The following PTCHD4 variants were observed in gnomAD, a reference collection of about 807,000 sequenced individuals.
PTCHD4 encodes the protein patched domain-containing protein 4.
In PTCHD4, 33 loss-of-function variants were observed where a neutral mutation model predicts 58.1. That is an observed-to-expected ratio of 0.57 (90% CI 0.43 to 0.76). PTCHD4 has a LOEUF of 0.76. Ranked by LOEUF, PTCHD4 falls within the 30% of genes least tolerant of loss-of-function variation. The pLI is 0.00. For missense variants in PTCHD4, 1,058 were observed against 1,027.1 expected, an observed-to-expected ratio of 1.03 and a Z score of -0.41; for synonymous variants, 478 against 409.6, an observed-to-expected ratio of 1.17 and a Z score of -2.02.
At chr6:48,033,409 C>T (rs1269383688) in intron 3 of PTCHD4, among the ~76,000 whole-genome samples, 1 of 151,616 alleles carries the variant, frequency 6.6e-6, no homozygotes, top group East Asian at 1.9e-4. Context: ...TTAAGACCAA[C>T]CATGTGAGCA....
intron 1 of PTCHD4, among the ~76,000 whole-genome samples, chr6:48,092,960 C>T (rs556982900): frequency 4.6e-5 from 7 of 152,210 alleles, no homozygotes; most frequent in African/African-American, 1.4e-4. Context: ...TTTCTGGCTC[C>T]CTCTGTGGAA....
At chr6:48,015,967 C>A (rs1199768820) in intron 3 of PTCHD4, among the ~76,000 whole-genome samples, 1 of 151,732 alleles carries the variant, frequency 6.6e-6, no homozygotes, top group African/African-American at 2.4e-5. Context: ...GATCAAGGTG[C>A]CTGAGAACAG....
chr6:48,110,078 C>T (rs1229290620), intron 1 of PTCHD4, among the ~76,000 whole-genome samples: 1 of 152,076 alleles, frequency 6.6e-6, no homozygotes, highest in African/African-American at 2.4e-5. Flanking sequence ...CACAGAACTA[C>T]CATATGATAC....
Position 47,995,967 on chromosome 6 carries a change from A to G in PTCHD4, c.898+12667T>C, listed in dbSNP as rs144621388. ...AGGAATGGCAGTTTTCAAACTTTTAACTTTTATTTTAGGTTTAACTTTCAA... is the reference window on the plus strand; with the variant it reads ...AGGAATGGCAGTTTTCAAACTTTTAGCTTTTATTTTAGGTTTAACTTTCAA... On this transcript the variant is annotated intron_variant, in intron 4 of 4. Transcript: ENST00000339488. Among the ~76,000 whole-genome samples the G allele has an allele frequency of 2.1e-3, 317 of 152,258 alleles. 1 individual carries two copies. The highest frequency in any genetic ancestry group is 6.6e-3 in the African/African-American group (274 of 41,568).
intron 3 of PTCHD4, among the ~76,000 whole-genome samples, chr6:48,030,497 T>C (rs1367081631): frequency 2.0e-5 from 3 of 152,022 alleles, no homozygotes; most frequent in African/African-American, 4.8e-5. Context: ...TGAAAACAGC[T>C]CTCTTCCAGG....
chr6:48,065,236 TTAATGTCA>T (rs1764757301), intron 3 of PTCHD4, among the ~76,000 whole-genome samples: 1 of 152,180 alleles, frequency 6.6e-6, no homozygotes, highest in African/African-American at 2.4e-5. Context: ...ACCTGCTTCT[TTAATGTCA>T]AGTAATTGCC....
At chr6:47,938,804 G>T (rs912934852) in intron 4 of PTCHD4, among the ~76,000 whole-genome samples, 4 of 152,098 alleles carry the variant, frequency 2.6e-5, no homozygotes, top group African/African-American at 9.7e-5. Flanking sequence ...ATGAGAGAGG[G>T]TCAAAGTGTT....
intron 4 of PTCHD4, among the ~76,000 whole-genome samples, chr6:47,971,407 C>G (rs529294382): frequency 6.6e-6 from 1 of 151,982 alleles, no homozygotes; most frequent in Non-Finnish European, 1.5e-5. Context: ...GTGCTGTGTA[C>G]CCAGCAGAAG....
chr6:48,020,171 G>A (rs1763014438), intron 3 of PTCHD4, among the ~76,000 whole-genome samples: 1 of 152,096 alleles, frequency 6.6e-6, no homozygotes, highest in African/African-American at 2.4e-5. Flanking sequence ...CTTGGGGATG[G>A]CTATGAGCAC....
chr6:48,024,563 G>T lies in PTCHD4; in HGVS notation c.418-15449C>A, dbSNP rs377345827. ...AACAATTCATTGTGAAGGTAAATTT[G>T]CTGGGACAACTGAGCTCACAGAATT... On this transcript the variant is annotated intron_variant, in intron 3 of 4. Transcript: ENST00000339488. Among the ~76,000 whole-genome samples, 188 of 152,046 alleles carry T rather than the reference G, an allele frequency of 1.2e-3. 4 individuals carry two copies. In the South Asian group the frequency reaches 0.037, roughly 30 times the overall value.
intron 4 of PTCHD4, among the ~76,000 whole-genome samples, chr6:48,002,843 C>G (rs1403050847): frequency 6.6e-6 from 1 of 151,964 alleles, no homozygotes; most frequent in Non-Finnish European, 1.5e-5. Context: ...TGAAATTACC[C>G]TTTCATTTTC....
intron 4 of PTCHD4, among the ~76,000 whole-genome samples, chr6:47,940,072 A>G (rs1766152908): frequency 6.6e-6 from 1 of 152,164 alleles, no homozygotes; most frequent in Non-Finnish European, 1.5e-5. Context: ...GTGCAGATGT[A>G]AACTATAATT....
At position 47,872,030 on chromosome 6, in the gene PTCHD4, T is replaced by C. The variant is rs1763726383; in HGVS notation, c.*6273A>G. Among the ~76,000 whole-genome samples the C allele has an allele frequency of 1.4e-5, 2 of 146,404 alleles. No individual in the cohort carries two copies. Among genetic ancestry groups the C allele is most frequent in the African/African-American group, 5.1e-5 (2 of 39,592 alleles). On this transcript the variant is annotated 3_prime_UTR_variant, in exon 5 of 5. Transcript: ENST00000339488. ...ATGCAAGAATATGACGGCTTATTCTTTTTTTTTTTTCCCCAGCTCTATCAG... is the reference window on the plus strand; with the variant it reads ...ATGCAAGAATATGACGGCTTATTCTCTTTTTTTTTTCCCCAGCTCTATCAG...
chr6:48,046,318 C>T (rs956691391), intron 3 of PTCHD4, among the ~76,000 whole-genome samples: 1 of 151,800 alleles, frequency 6.6e-6, no homozygotes, highest in African/African-American at 2.4e-5. Flanking sequence ...AACAAAATAA[C>T]TGAAGATGCA....
intron 4 of PTCHD4, among the ~76,000 whole-genome samples, chr6:47,985,811 C>G (rs1385347248): frequency 2.0e-5 from 3 of 151,294 alleles, no homozygotes; most frequent in Non-Finnish European, 4.4e-5. Flanking sequence ...GTGGTATGAT[C>G]TTATATTGAA....
Position 47,876,546 on chromosome 6 carries a change from A to G in PTCHD4, c.*1757T>C, listed in dbSNP as rs1763853142. On this transcript the variant is annotated 3_prime_UTR_variant, in exon 5 of 5. Transcript: ENST00000339488. ...TTTCCAGAGACTATAACGAGAATGG[A>G]ATGGTTTGTACCTTTTTTCTGAACA... is the stretch of plus-strand genomic sequence containing the variant. 1.3e-5 allele frequency among the ~76,000 whole-genome samples: 2 copies of G among 151,974 alleles called. No individual in the cohort carries two copies. Among genetic ancestry groups the G allele is most frequent in the African/African-American group, 4.8e-5 (2 of 41,408 alleles).
At chr6:48,080,037 T>C (rs574543515) in intron 1 of PTCHD4, among the ~76,000 whole-genome samples, 94 of 125,592 alleles carry the variant, frequency 7.5e-4, no homozygotes, top group African/African-American at 2.5e-3. Flanking sequence ...AGGAAAGAAA[T>C]AGAAGAGCCT....
chr6:47,885,430 C>T (rs980889442), intron 4 of PTCHD4, among the ~76,000 whole-genome samples: 13 of 152,220 alleles, frequency 8.5e-5, no homozygotes, highest in African/African-American at 3.1e-4. Flanking sequence ...GTAAGTTCTG[C>T]TATTTGCAAT....
intron 1 of PTCHD4, among the ~76,000 whole-genome samples, chr6:48,107,986 C>A (rs951867728): frequency 6.6e-6 from 1 of 152,132 alleles, no homozygotes; most frequent in Non-Finnish European, 1.5e-5. Context: ...AATAGGAACA[C>A]TTTTACACTG....
Sources: allele counts gnomAD v4.1 joint callset (sites outside exome capture counted in the v4.1 genomes callset), GRCh38; gene constraint gnomAD v4.1.1; transcripts MANE v1.5; gene names NCBI Gene and HGNC (gene_info 2026-07-23, HGNC 2026-07-21).